ITPR2: variants seen among roughly 807,000 people sequenced by gnomAD.
ITPR2 encodes inositol 1,4,5-trisphosphate receptor type 2.
ITPR2 carries 207 observed loss-of-function variants against 317.1 expected under a neutral mutation model. That is an observed-to-expected ratio of 0.65 (90% confidence interval 0.58 to 0.73). ITPR2 has a LOEUF of 0.73. Among genes scored for constraint, ITPR2 ranks in the 30% least tolerant of loss-of-function variants. The pLI is 0.00. For missense variants in ITPR2, 2,613 were observed against 3,284.0 expected, an observed-to-expected ratio of 0.80 and a Z score of 4.99; for synonymous variants, 1,156 against 1,149.1, an observed-to-expected ratio of 1.01 and a Z score of -0.12.
chr12:26,750,330 C>T (rs767362526), intron 2 of ITPR2, among the ~76,000 whole-genome samples: 21 of 152,144 alleles, frequency 1.4e-4, no homozygotes, highest in Admixed American at 5.2e-4. Context: ...TTGTACTAGA[C>T]ATCTCTCTGA....
chr12:26,744,809 T>A (rs1261091103), intron 2 of ITPR2, among the ~76,000 whole-genome samples: 1 of 152,068 alleles, frequency 6.6e-6, no homozygotes, highest in Non-Finnish European at 1.5e-5. Context: ...CAAAAACCCA[T>A]AAAGCAAAAG....
In ITPR2 at chr12:26,475,346, C is replaced by G; in HGVS notation, c.6292G>C (p.Gly2098Arg). ...TGTCCAACATCTTTTGGAGAAACACCATCATCTCCACCCTCATCATCCCCA... is the reference window on the plus strand; with the variant it reads ...TGTCCAACATCTTTTGGAGAAACACGATCATCTCCACCCTCATCATCCCCA... ...DHGDDEGGDD[G>R]VSPKDVGHNI... is the part of the protein sequence containing the mutation. Residue 2098 changes from glycine (G) to arginine (R), a missense_variant, in exon 45 of 57, where the codon GGT (glycine) becomes CGT (arginine). Gly to Arg is a moderately radical substitution (Grantham distance 125, BLOSUM62 -2). This residue lies in a region of ITPR2 where 926 missense variants were observed against 1,072.8 expected (regional missense o/e 0.86). Coordinates refer to ENST00000381340, the MANE Select transcript of ITPR2 (RefSeq NM_002223.4). 1.9e-6 allele frequency: 3 copies of G among 1,613,202 alleles called. No homozygotes were observed. Among genetic ancestry groups the G allele is most frequent in the Non-Finnish European group, 2.5e-6 (3 of 1,179,362 alleles).
At chr12:26,548,964 AATGGAAGACTTGCC>A (rs1944456296) in intron 37 of ITPR2, among the ~76,000 whole-genome samples, 1 of 152,190 alleles carries the variant, frequency 6.6e-6, no homozygotes, top group Non-Finnish European at 1.5e-5. Context: ...GTTACATAAA[AATGGAAGACTTGCC>A]ATGTACCTCC....
At chr12:26,447,954 C>G (rs971037191) in intron 45 of ITPR2, among the ~76,000 whole-genome samples, 5 of 149,660 alleles carry the variant, frequency 3.3e-5, no homozygotes, top group Non-Finnish European at 5.9e-5. Context: ...CCACATTTAT[C>G]TACTCCACAG....
At chr12:26,473,106 T>C (rs772597013) in intron 45 of ITPR2, among the ~76,000 whole-genome samples, 1 of 152,120 alleles carries the variant, frequency 6.6e-6, no homozygotes, top group Admixed American at 6.5e-5. Flanking sequence ...AGGCTGCTCT[T>C]GAACTCCTGA....
At chr12:26,405,134 CA>C (rs35153198) in intron 52 of ITPR2, among the ~76,000 whole-genome samples, 78,368 of 133,974 alleles carry the variant, frequency 0.58, 21,121 homozygotes, top group Admixed American at 0.69. Context: ...AACTCTGTCT[CA>C]AAAAAAAAAA....
rs1942534681 is a variant in ITPR2, at chr12:26,481,070, G to T, written c.6123+61C>A. The T allele has an allele frequency of 4.5e-6, 4 of 897,604 alleles. No homozygotes were observed. The East Asian group carries it at 7.4e-5, about 17-fold the overall frequency. 55.6% of individuals were successfully genotyped at this position (897,604 alleles called of 1,614,324 possible). A position where few individuals can be genotyped will look rare whatever the true frequency, so the allele number is the denominator to read the frequency against. The stretch of plus-strand genomic sequence containing the variant: ...TGATAATATGCTTTTGACAAGAGCT[G>T]CTTGAAGATTGTACTATAGAGACTG... On this transcript the variant is annotated intron_variant, in intron 43 of 56. Transcript: ENST00000381340.
chr12:26,678,390 T>C (rs898623012), intron 13 of ITPR2, among the ~76,000 whole-genome samples: 4 of 150,258 alleles, frequency 2.7e-5, no homozygotes, highest in Non-Finnish European at 5.9e-5. Flanking sequence ...TGTTCATTCC[T>C]GGGATAAGTA....
intron 37 of ITPR2, among the ~76,000 whole-genome samples, chr12:26,517,238 C>T (rs1943547621): frequency 6.6e-6 from 1 of 152,096 alleles, no homozygotes; most frequent in South Asian, 2.1e-4. Context: ...CCAAAAGAAA[C>T]TATCAACTGA....
At chr12:26,706,215 T>G (rs959393760) in intron 9 of ITPR2, among the ~76,000 whole-genome samples, 6 of 152,202 alleles carry the variant, frequency 3.9e-5, no homozygotes, top group African/African-American at 1.4e-4. Flanking sequence ...TAATTTTATT[T>G]TGATAATATT....
Position 26,567,144 on chromosome 12 carries a change from T to C in ITPR2, c.4631-5192A>G, listed in dbSNP as rs574107732. 3.3e-5 allele frequency among the ~76,000 whole-genome samples: 5 copies of C among 152,284 alleles called. No homozygotes were observed. In the South Asian group the frequency reaches 6.2e-4, roughly 19 times the overall value. On this transcript the variant is annotated intron_variant, in intron 34 of 56. Transcript: ENST00000381340. The stretch of plus-strand genomic sequence containing the variant: ...TAGGAATCAGGTACATTAGGTGAAA[T>C]TGACCATCAAATAAGTGTTGCTGCT...
chr12:26,602,763 T>C (rs1405179257), intron 26 of ITPR2, 57 bp from the exon 27 acceptor site: 6 of 812,508 alleles, frequency 7.4e-6, no homozygotes, highest in Non-Finnish European at 1.2e-5. Flanking sequence ...GTTACATTTA[T>C]TTCTTTTGTA....
At chr12:26,479,017 T>C (rs1165219217) in intron 43 of ITPR2, among the ~76,000 whole-genome samples, 1 of 151,702 alleles carries the variant, frequency 6.6e-6, no homozygotes, top group African/African-American at 2.4e-5. Flanking sequence ...TAAAGTACCC[T>C]ATGCAAGGAA....
At chr12:26,439,024 A>G in intron 47 of ITPR2, 103 bp downstream of exon 47, 1 of 745,642 alleles carries the variant, frequency 1.3e-6, no homozygotes, top group Non-Finnish European at 2.2e-6. Flanking sequence ...CAGACCAGCA[A>G]GAAATTAAAA....
intron 37 of ITPR2, among the ~76,000 whole-genome samples, chr12:26,537,966 T>G (rs1242814330): frequency 6.6e-6 from 1 of 152,224 alleles, no homozygotes; most frequent in Non-Finnish European, 1.5e-5. Context: ...TGGTAGATAC[T>G]CAAAATCATT....
At chr12:26,664,397 A>G (rs1050092150) in intron 14 of ITPR2, among the ~76,000 whole-genome samples, 13 of 152,238 alleles carry the variant, frequency 8.5e-5, no homozygotes, top group Non-Finnish European at 1.9e-4. Flanking sequence ...AATGTGACAA[A>G]TTAGGAGCCA....
chr12:26,523,591 T>G (rs1260558300), intron 37 of ITPR2, among the ~76,000 whole-genome samples: 2 of 152,008 alleles, frequency 1.3e-5, no homozygotes. Context: ...CTTGTGAAGG[T>G]TGGTACTCCC....
At chr12:26,472,844 T>C (rs1486715648) in intron 45 of ITPR2, among the ~76,000 whole-genome samples, 5 of 152,186 alleles carry the variant, frequency 3.3e-5, no homozygotes, top group Non-Finnish European at 7.3e-5. Context: ...ATCGTCTTTT[T>C]AAAAATTTGT....
intron 26 of ITPR2, among the ~76,000 whole-genome samples, chr12:26,616,858 GA>G (rs1190543500): frequency 6.6e-6 from 1 of 152,180 alleles, no homozygotes; most frequent in African/African-American, 2.4e-5. Flanking sequence ...ACATGAAGAT[GA>G]TGAGGATGAA....
Sources: gnomAD v4.1 joint callset for allele counts (sites outside exome capture counted in the v4.1 genomes callset) on GRCh38, gnomAD v4.1.1 for gene constraint, gnomAD v4.1.1 regional missense constraint, MANE v1.5 for transcripts, NCBI Gene and HGNC (gene_info 2026-07-23, HGNC 2026-07-21) for gene names.